RALGPS1: variants seen among roughly 807,000 people sequenced by gnomAD.
The protein encoded by RALGPS1 is Ral GEF with PH domain and SH3 binding motif 1.
In RALGPS1, 19 loss-of-function variants were observed where a neutral mutation model predicts 78.8. That is an observed-to-expected ratio of 0.24 (90% CI 0.17 to 0.35). The LOEUF (loss-of-function observed/expected upper bound fraction) is 0.35. Ranked by LOEUF, RALGPS1 falls within the 10% of genes least tolerant of loss-of-function variation. The probability of loss-of-function intolerance (pLI) is 1.00; values close to 1 mark genes in which losing one functional copy is unlikely to be tolerated. For synonymous variants in RALGPS1, 228 were observed against 256.3 expected, an observed-to-expected ratio of 0.89 and a Z score of 1.06; for missense variants, 454 against 688.3, an observed-to-expected ratio of 0.66 and a Z score of 3.81.
intron 4 of RALGPS1, among the ~76,000 whole-genome samples, chr9:127,014,578 A>G (rs1170410688): frequency 6.6e-6 from 1 of 152,134 alleles, no homozygotes; most frequent in Non-Finnish European, 1.5e-5. Context: ...TGAAATTATT[A>G]TCTCATAATA....
intron 8 of RALGPS1, among the ~76,000 whole-genome samples, chr9:127,100,129 C>T (rs983533739): frequency 3.3e-5 from 5 of 152,186 alleles, no homozygotes; most frequent in Middle Eastern, 3.4e-3. Context: ...TTTCACTTCC[C>T]AAGAATTCCT....
chr9:127,143,320 T>C (rs1429986661), intron 8 of RALGPS1, among the ~76,000 whole-genome samples: 2 of 152,226 alleles, frequency 1.3e-5, no homozygotes, highest in Non-Finnish European at 2.9e-5. Context: ...GCTCCAGCAG[T>C]GTATGGGTTT....
chr9:127,162,140 G>A (rs188223906), intron 8 of RALGPS1, among the ~76,000 whole-genome samples: 1 of 152,288 alleles, frequency 6.6e-6, no homozygotes, highest in Admixed American at 6.5e-5. Context: ...GCATTCCTTT[G>A]TCAGCCAGCG....
At chr9:127,041,094 CT>C (rs138634149) in intron 5 of RALGPS1, among the ~76,000 whole-genome samples, 2 of 123,570 alleles carry the variant, frequency 1.6e-5, no homozygotes, top group Admixed American at 8.3e-5. Flanking sequence ...TTCTTTCTTT[CT>C]TTTTTTTTAT....
intron 7 of RALGPS1, among the ~76,000 whole-genome samples, chr9:127,059,612 G>A (rs1312071854): frequency 6.6e-6 from 1 of 152,030 alleles, no homozygotes; most frequent in African/African-American, 2.4e-5. Flanking sequence ...ATCCCTTGGT[G>A]GTCTCATCTG....
intron 8 of RALGPS1, chr9:127,088,049 G>A (rs997826135): frequency 2.0e-5 from 3 of 152,526 alleles, no homozygotes; most frequent in Non-Finnish European, 4.4e-5. Context: ...GAGGAATCTC[G>A]CCTGGAAAGA....
At chr9:127,170,467 G>A (rs1267166803) in intron 10 of RALGPS1, among the ~76,000 whole-genome samples, 2 of 152,160 alleles carry the variant, frequency 1.3e-5, no homozygotes, top group African/African-American at 4.8e-5. Flanking sequence ...TTACCCAATA[G>A]TAACAACAAT....
At chr9:127,134,012 C>CCA (rs1554839748) in intron 8 of RALGPS1, among the ~76,000 whole-genome samples, 1 of 151,696 alleles carries the variant, frequency 6.6e-6, no homozygotes, top group Non-Finnish European at 1.5e-5. Flanking sequence ...TCGCTCCCCC[C>CCA]CCCGTGAATG....
chr9:127,010,310 C>T (rs2044228327), intron 4 of RALGPS1, among the ~76,000 whole-genome samples: 1 of 152,192 alleles, frequency 6.6e-6, no homozygotes, highest in Non-Finnish European at 1.5e-5. Flanking sequence ...ATTAAGGTGG[C>T]TGCCCTACAG....
rs760713639 is a variant in RALGPS1, at chr9:127,218,715, C to T, written c.1645-25C>T. 2 of 1,612,658 alleles carry T rather than the reference C, an allele frequency of 1.2e-6. No homozygotes were observed. The highest frequency in any genetic ancestry group is 1.7e-6 in the Non-Finnish European group (2 of 1,178,606). On this transcript the variant is annotated intron_variant, in intron 18 of 18. Transcript: ENST00000259351. The surrounding 1 kb of genome is among the most constrained non-coding windows in gnomAD (Gnocchi z 4.4). ...TCCTTCTCTGAGGTCGGAACTTTAA[C>T]AAGAGGCTGAGCTTTCTCTTCTAGG...
chr9:126,971,199 C>T (rs1202756820), intron 3 of RALGPS1, among the ~76,000 whole-genome samples: 1 of 151,608 alleles, frequency 6.6e-6, no homozygotes, highest in African/African-American at 2.4e-5. Context: ...AATAGGAATG[C>T]CTGAAAGCAG....
chr9:127,212,920 G>A lies in RALGPS1; in HGVS notation c.1447-24G>A, dbSNP rs770468281. On this transcript the variant is annotated intron_variant, in intron 16 of 18. Coordinates refer to ENST00000259351, the MANE Select transcript of RALGPS1 (RefSeq NM_014636.3). This position sits in a 1 kb window ranked among gnomAD's most constrained non-coding sequence, Gnocchi z 6.0. ...AGTGGAGGGCTGGGCCCCGGTCTCC[G>A]GATGTGTTGTTGCTCTCCTCCAGTA... 45 of 1,613,882 alleles carry A rather than the reference G, an allele frequency of 2.8e-5. No homozygotes were observed. In the African/African-American group the frequency reaches 3.6e-4, roughly 13 times the overall value.
At chr9:127,171,628 G>A (rs1220827570) in intron 10 of RALGPS1, among the ~76,000 whole-genome samples, 4 of 152,132 alleles carry the variant, frequency 2.6e-5, no homozygotes, top group Non-Finnish European at 4.4e-5. Context: ...GCGTGGTGGC[G>A]CACGCCTGTA....
At chr9:127,149,573 G>A (rs1031318910) in intron 8 of RALGPS1, among the ~76,000 whole-genome samples, 2 of 152,232 alleles carry the variant, frequency 1.3e-5, no homozygotes, top group Non-Finnish European at 2.9e-5. Context: ...CCCCTCTGAG[G>A]GCAAGGCCTG....
chr9:127,203,664 G>A (rs116492238), intron 14 of RALGPS1, among the ~76,000 whole-genome samples: 15 of 152,306 alleles, frequency 9.8e-5, no homozygotes, highest in African/African-American at 3.6e-4. Flanking sequence ...GTGAGGGAAT[G>A]GGTCAGAGCT....
At position 127,166,276 on chromosome 9, in the gene RALGPS1, C is replaced by T. The variant is rs1487607326; in HGVS notation, c.748+70C>T. ...AATTTGGGTCTTACCAGTGAGAAAG[C>T]TCTAGAAACCTTTCAAAGAACTACA... On this transcript the variant is annotated intron_variant, in intron 9 of 18. Transcript: ENST00000259351. 2.6e-6 allele frequency: 4 copies of T among 1,548,612 alleles called. No individual in the cohort carries two copies. In the Admixed American group the frequency reaches 7.9e-5, roughly 30 times the overall value.
intron 11 of RALGPS1, among the ~76,000 whole-genome samples, chr9:127,185,421 C>T (rs747465961): frequency 6.6e-6 from 1 of 152,352 alleles, no homozygotes; most frequent in Non-Finnish European, 1.5e-5. Flanking sequence ...TGTGTTCTCA[C>T]GTGCACCGTG....
chr9:126,992,031 A>G (rs986122065), intron 4 of RALGPS1, among the ~76,000 whole-genome samples: 2 of 152,182 alleles, frequency 1.3e-5, no homozygotes, highest in African/African-American at 2.4e-5. Flanking sequence ...ATACTTGTCA[A>G]TACTTGTTTG....
chr9:127,101,662 T>G (rs1188399813), intron 8 of RALGPS1, among the ~76,000 whole-genome samples: 2 of 152,242 alleles, frequency 1.3e-5, no homozygotes, highest in Non-Finnish European at 2.9e-5. Flanking sequence ...AAAGGAAACC[T>G]GCTTTGTGGG....
Sources: gnomAD v4.1 joint callset for allele counts (sites outside exome capture counted in the v4.1 genomes callset) on GRCh38, gnomAD v4.1.1 for gene constraint, Gnocchi (gnomAD v3.1) non-coding constraint, MANE v1.5 for transcripts, NCBI Gene and HGNC (gene_info 2026-07-23, HGNC 2026-07-21) for gene names.